The following MYRIP variants were observed in gnomAD, a reference collection of about 807,000 sequenced individuals.
MYRIP encodes rab effector MyRIP.
Under a neutral mutation model 98.0 loss-of-function variants are expected in MYRIP, and 49 were observed. That is an observed-to-expected ratio of 0.50 (90% confidence interval 0.40 to 0.63). The LOEUF is 0.63. Among genes scored for constraint, MYRIP ranks in the 30% least tolerant of loss-of-function variants. MYRIP has a pLI of 0.00. For missense variants in MYRIP, 1,004 were observed against 1,058.2 expected, an observed-to-expected ratio of 0.95 and a Z score of 0.71; for synonymous variants, 404 against 409.5, an observed-to-expected ratio of 0.99 and a Z score of 0.16.
intron 3 of MYRIP, among the ~76,000 whole-genome samples, chr3:40,088,097 C>T (rs1948665682): frequency 6.6e-6 from 1 of 152,266 alleles, no homozygotes; most frequent in Non-Finnish European, 1.5e-5. Flanking sequence ...GCTGGTTGAC[C>T]TGGGAGCCAA....
intron 2 of MYRIP, among the ~76,000 whole-genome samples, chr3:39,990,943 T>C (rs1027789035): frequency 6.6e-5 from 10 of 151,686 alleles, no homozygotes; most frequent in Non-Finnish European, 2.9e-5. Flanking sequence ...TAAGTGGGAG[T>C]TGAACGAAGA....
chr3:39,926,673 A>G (rs1034555217), intron 2 of MYRIP, among the ~76,000 whole-genome samples: 1 of 151,776 alleles, frequency 6.6e-6, no homozygotes, highest in African/African-American at 2.4e-5. Context: ...TGGATTTTCT[A>G]TTCTGTTCTG....
intron 3 of MYRIP, among the ~76,000 whole-genome samples, chr3:40,140,672 A>G (rs532077521): frequency 6.6e-6 from 1 of 152,254 alleles, no homozygotes; most frequent in Admixed American, 6.5e-5. Context: ...GGGGTGAGAT[A>G]ATACCTTATT....
chr3:40,195,751 C>A (rs1951370299), intron 10 of MYRIP, among the ~76,000 whole-genome samples: 1 of 151,928 alleles, frequency 6.6e-6, no homozygotes, highest in Admixed American at 6.5e-5. Flanking sequence ...TTGATGCTAT[C>A]TCCTTCAGTT....
At chr3:40,148,118 T>C (rs964562118) in intron 3 of MYRIP, among the ~76,000 whole-genome samples, 1 of 152,360 alleles carries the variant, frequency 6.6e-6, no homozygotes, top group Admixed American at 6.5e-5. Context: ...TCTTCTAGCA[T>C]TCATTGTTAT....
chr3:40,178,087 G>T lies in MYRIP; in HGVS notation c.874-4133G>T, dbSNP rs540798022. ...TACATATGACCACTCTTCTTGATTT[G>T]CCCTCAAATCTTTGATACTAAAAAC... On this transcript the variant is annotated intron_variant, in intron 8 of 16. Transcript: ENST00000302541. Among the ~76,000 whole-genome samples, 48 of 152,194 alleles carry T rather than the reference G, an allele frequency of 3.2e-4. 1 individual carries two copies. In the South Asian group the frequency reaches 9.1e-3, roughly 29 times the overall value.
At chr3:40,037,568 C>G (rs958421819) in intron 2 of MYRIP, among the ~76,000 whole-genome samples, 1 of 151,958 alleles carries the variant, frequency 6.6e-6, no homozygotes, top group Non-Finnish European at 1.5e-5. Context: ...GGATACATAT[C>G]CCCCTATAAA....
chr3:40,151,363 C>T (rs1043526897), intron 4 of MYRIP, among the ~76,000 whole-genome samples, 179 bp downstream of exon 4: 2 of 152,224 alleles, frequency 1.3e-5, no homozygotes, highest in Non-Finnish European at 2.9e-5. Flanking sequence ...TAAGTTGTGA[C>T]TCTTTTGGTT....
intron 2 of MYRIP, among the ~76,000 whole-genome samples, chr3:40,002,149 A>G (rs1056449184): frequency 6.6e-6 from 1 of 152,218 alleles, no homozygotes; most frequent in Non-Finnish European, 1.5e-5. Context: ...TGACTAAAAG[A>G]CTAGTTGAGA....
In MYRIP at chr3:40,255,440, T is replaced by C. The variant is rs1186761744; in HGVS notation, c.2548-2694T>C. The stretch of plus-strand genomic sequence containing the variant: ...CTTTAGAATGGTTTATTTTATGTTA[T>C]GTGGCTTTCACCTCAATATGTTTTT... On this transcript the variant is annotated intron_variant, in intron 16 of 16. Coordinates refer to ENST00000302541, the MANE Select transcript of MYRIP (RefSeq NM_015460.4). Among the ~76,000 whole-genome samples, 6 of 152,238 alleles carry C rather than the reference T, an allele frequency of 3.9e-5. No individual in the cohort carries two copies. In the East Asian group the frequency reaches 9.6e-4, roughly 24 times the overall value.
chr3:40,032,977 T>A (rs1485906342), intron 2 of MYRIP, among the ~76,000 whole-genome samples: 1 of 152,008 alleles, frequency 6.6e-6, no homozygotes, highest in Admixed American at 6.6e-5. Flanking sequence ...ACCACAGGAT[T>A]ATCTCAATAG....
rs180988943 is a variant in MYRIP at position 39,839,044 on chromosome 3, T to G, written c.-31+29128T>G. 4.7e-3 allele frequency among the ~76,000 whole-genome samples: 708 copies of G among 151,996 alleles called. 6 individuals carry two copies. The highest frequency in any genetic ancestry group is 7.0e-3 in the Non-Finnish European group (475 of 67,894). On this transcript the variant is annotated intron_variant, in intron 1 of 16. Coordinates refer to ENST00000302541, the MANE Select transcript of MYRIP (RefSeq NM_015460.4). ...CTGATGGTCAGTGGTGATATTCCCT[T>G]TATTATTTTTTATTGTGTCTATTTG...
At chr3:40,069,765 C>T (rs1316664034) in intron 3 of MYRIP, among the ~76,000 whole-genome samples, 1 of 152,144 alleles carries the variant, frequency 6.6e-6, no homozygotes, top group Non-Finnish European at 1.5e-5. Context: ...AGTTTTCCCA[C>T]TTACGGTGTG....
At chr3:40,154,526 A>C (rs1950180248) in intron 4 of MYRIP, among the ~76,000 whole-genome samples, 1 of 152,344 alleles carries the variant, frequency 6.6e-6, no homozygotes, top group South Asian at 2.1e-4. Flanking sequence ...CTTCTCTAAT[A>C]GACCCAGCAT....
Position 40,236,381 on chromosome 3 carries a change from AG to A in MYRIP, c.2100+2329del, listed in dbSNP as rs113905477. 1.2e-3 allele frequency among the ~76,000 whole-genome samples: 185 copies of A among 152,328 alleles called. 1 individual carries two copies. Among genetic ancestry groups the A allele is most frequent in the African/African-American group, 4.3e-3 (179 of 41,572 alleles). ...TGTAATTTCCCCCTTCCATTCAAAG[AG>A]AAGAAAAAATTCTTGGCTGTCAAGT... is the stretch of plus-strand genomic sequence containing the variant. On this transcript the variant is annotated intron_variant, in intron 12 of 16. Coordinates refer to ENST00000302541, the MANE Select transcript of MYRIP (RefSeq NM_015460.4).
At chr3:39,951,894 G>T (rs1003704170) in intron 2 of MYRIP, among the ~76,000 whole-genome samples, 1 of 151,886 alleles carries the variant, frequency 6.6e-6, no homozygotes, top group Non-Finnish European at 1.5e-5. Flanking sequence ...TTTTAAACGC[G>T]CTTTATGATG....
intron 11 of MYRIP, among the ~76,000 whole-genome samples, chr3:40,220,676 G>A (rs576144247): frequency 6.6e-6 from 1 of 152,168 alleles, no homozygotes; most frequent in South Asian, 2.1e-4. Flanking sequence ...ATAAAGAAAA[G>A]AGGTTTAATT....
chr3:40,007,679 T>C (rs1946664334), intron 2 of MYRIP, among the ~76,000 whole-genome samples: 1 of 152,224 alleles, frequency 6.6e-6, no homozygotes, highest in African/African-American at 2.4e-5. Flanking sequence ...TGTGTATGTG[T>C]GTGCAAGATT....
chr3:39,844,958 C>T (rs1264074518), intron 1 of MYRIP, among the ~76,000 whole-genome samples: 2 of 152,130 alleles, frequency 1.3e-5, no homozygotes, highest in South Asian at 4.2e-4. Flanking sequence ...TGCTTCAGGC[C>T]CCACTCAAAA....
Sources: gnomAD v4.1 joint callset for allele counts (sites outside exome capture counted in the v4.1 genomes callset) on GRCh38, gnomAD v4.1.1 for gene constraint, MANE v1.5 for transcripts, NCBI Gene and HGNC (gene_info 2026-07-23, HGNC 2026-07-21) for gene names.